Variants in TPCN2 observed in about 807,000 individuals in gnomAD.
The protein encoded by TPCN2 is two pore segment channel 2.
TPCN2 carries 92 observed loss-of-function variants against 111.4 expected under a neutral mutation model. The observed-to-expected ratio is 0.83, with a 90% confidence interval of 0.70 to 0.98. TPCN2 has a LOEUF of 0.98. TPCN2 is among the 50% of genes least tolerant of loss of function. The pLI is 0.00. For missense variants in TPCN2, 995 were observed against 980.1 expected, an observed-to-expected ratio of 1.02 and a Z score of -0.20; for synonymous variants, 405 against 414.5, an observed-to-expected ratio of 0.98 and a Z score of 0.28.
rs1325479815 is a variant in TPCN2, at chr11:69,087,095, C to T, written c.2086-17C>T. 6.2e-7 allele frequency: 1 copy of T among 1,610,730 alleles called. No individual in the cohort carries two copies. Among genetic ancestry groups the T allele is most frequent in the Non-Finnish European group, 8.5e-7 (1 of 1,177,510 alleles). The stretch of plus-strand genomic sequence containing the variant: ...ATTCGGGGCCCACACTCACTGGCCA[C>T]TCCTCCTGCTTGCCAGAACTTCCTT... On this transcript the variant is annotated splice_polypyrimidine_tract_variant and intron_variant, in intron 23 of 24. Transcript: ENST00000294309.
Position 69,087,909 on chromosome 11 carries a change from A to G in TPCN2, c.2215A>G (p.Thr739Ala). Reference protein sequence around the residue: ...ILEEPGEDELTERLSQHPHLW... With the variant: ...ILEEPGEDELAERLSQHPHLW... Reference sequence around the variant, plus strand: ...GGAGGAGCCCGGGGAGGATGAGCTCACAGAGAGGCTGAGCCAGCACCCGCA... The same window carrying G: ...GGAGGAGCCCGGGGAGGATGAGCTCGCAGAGAGGCTGAGCCAGCACCCGCA... The change falls in exon 25 of 25, where the codon ACA becomes GCA. Residue 739 changes from threonine to alanine, a missense_variant. Thr to Ala is a moderately conservative substitution (Grantham distance 58, BLOSUM62 0). Coordinates refer to ENST00000294309, the MANE Select transcript of TPCN2 (RefSeq NM_139075.4). 2 of 1,612,478 alleles carry G rather than the reference A, an allele frequency of 1.2e-6. No homozygotes were observed. Among genetic ancestry groups the G allele is most frequent in the South Asian group, 1.1e-5 (1 of 90,914 alleles).
rs376409865 is a variant in TPCN2, at chr11:69,055,166, C to G, written c.252-9C>G. 24 of 1,613,110 alleles carry G rather than the reference C, an allele frequency of 1.5e-5. No individual in the cohort carries two copies. The highest frequency in any genetic ancestry group is 2.0e-5 in the Non-Finnish European group (24 of 1,179,506). ...CTCCTGTGTTTTCATGTTTCTGTCC[C>G]CTTTCCAGGACTTTGAGCTTCACCA... is the stretch of plus-strand genomic sequence containing the variant. On this transcript the variant is annotated splice_polypyrimidine_tract_variant and intron_variant, in intron 3 of 24. Coordinates refer to ENST00000294309, the MANE Select transcript of TPCN2 (RefSeq NM_139075.4).
intron 19 of TPCN2, chr11:69,084,551 G>A: frequency 1.0e-6 from 1 of 984,558 alleles, no homozygotes; most frequent in Non-Finnish European, 1.2e-6. Context: ...CCGGGCTTGG[G>A]CAGGAGAGGG....
Position 69,081,327 on chromosome 11 carries a change from C to T in TPCN2, c.1590-73C>T. The T allele has an allele frequency of 8.8e-6, 9 of 1,026,920 alleles. No homozygotes were observed. The South Asian group carries it at 1.2e-4, about 13-fold the overall frequency. The allele number at this position is 1,026,920 out of a possible 1,614,324, so 63.6% of individuals were successfully genotyped here. ...CCTCCCTGCGCCTCCGTCCAGGAAC[C>T]CGCGCGTTTCCTTGTCTCCTCCCTG... is the stretch of plus-strand genomic sequence containing the variant. On this transcript the variant is annotated intron_variant, in intron 17 of 24. Transcript: ENST00000294309.
At chr11:69,087,273 A>AGAGCTGGGGGGTGGT in intron 24 of TPCN2, 67 bp downstream of exon 24, 1 of 1,365,562 alleles carries the variant, frequency 7.3e-7, no homozygotes, top group Non-Finnish European at 1.0e-6. Flanking sequence ...TGGGGGGTGG[A>AGAGCTGGGGGGTGGT]GGGGTTGAGG....
At chr11:69,075,779 C>A (rs1855726037) in intron 13 of TPCN2, among the ~76,000 whole-genome samples, 1 of 152,254 alleles carries the variant, frequency 6.6e-6, no homozygotes, top group Non-Finnish European at 1.5e-5. Context: ...GAGAAGGTGC[C>A]CTGCCTGCTG....
intron 17 of TPCN2, among the ~76,000 whole-genome samples, chr11:69,080,262 C>A (rs1487869290): frequency 6.6e-6 from 1 of 152,260 alleles, no homozygotes; most frequent in Non-Finnish European, 1.5e-5. Context: ...GGCCCCTCTG[C>A]TGGCGGGAAG....
At chr11:69,058,229 T>G (rs536092334) in intron 5 of TPCN2, among the ~76,000 whole-genome samples, 19 of 152,304 alleles carry the variant, frequency 1.2e-4, no homozygotes, top group African/African-American at 3.8e-4. Context: ...CAGAATCCAC[T>G]GGGGTCTGTC....
intron 7 of TPCN2, among the ~76,000 whole-genome samples, chr11:69,065,339 G>T (rs983950699): frequency 6.6e-6 from 1 of 152,214 alleles, no homozygotes; most frequent in Non-Finnish European, 1.5e-5. Flanking sequence ...CAACAGCCTC[G>T]GCCTTGAGGC....
At chr11:69,059,118 C>T (rs1330601175) in intron 5 of TPCN2, among the ~76,000 whole-genome samples, 1 of 152,222 alleles carries the variant, frequency 6.6e-6, no homozygotes, top group African/African-American at 2.4e-5. Context: ...TCACCTGGCA[C>T]AGGGACTGGA....
At chr11:69,070,911 T>C (rs375759432) in intron 9 of TPCN2, among the ~76,000 whole-genome samples, 3,828 of 20,160 alleles carry the variant, frequency 0.19, no homozygotes, top group African/African-American at 0.21. Context: ...CAGGGATCCC[T>C]CACCAACAGC....
intron 1 of TPCN2, among the ~76,000 whole-genome samples, chr11:69,049,684 C>T (rs1861128757): frequency 6.6e-6 from 1 of 152,106 alleles, no homozygotes; most frequent in Admixed American, 6.5e-5. Context: ...CTGGGGCGGG[C>T]CCCCTAGACG....
At chr11:69,087,371 G>A (rs1381124146) in intron 24 of TPCN2, among the ~76,000 whole-genome samples, 165 bp downstream of exon 24, 2 of 152,196 alleles carry the variant, frequency 1.3e-5, no homozygotes. Flanking sequence ...TCAGAGCCGG[G>A]ATCGGGGCGG....
intron 3 of TPCN2, 114 bp downstream of exon 3, chr11:69,054,911 T>C: frequency 5.6e-6 from 6 of 1,079,272 alleles, no homozygotes; most frequent in Non-Finnish European, 8.3e-6. Context: ...CCCCACTACA[T>C]AGATAGGGCG....
At chr11:69,084,760 A>C (rs935677456) in intron 19 of TPCN2, 2 of 985,302 alleles carry the variant, frequency 2.0e-6, no homozygotes, top group African/African-American at 1.7e-5. Flanking sequence ...CGCCTCTGGA[A>C]ATAGACGCTG....
intron 18 of TPCN2, among the ~76,000 whole-genome samples, chr11:69,082,926 C>T (rs1856101548): frequency 1.3e-5 from 2 of 150,904 alleles, no homozygotes; most frequent in African/African-American, 2.4e-5. Context: ...AACTCGTGCC[C>T]GTGTAAGATG....
At chr11:69,076,858 GCCCTCA>G (rs1855786992) in intron 13 of TPCN2, among the ~76,000 whole-genome samples, 1 of 128,370 alleles carries the variant, frequency 7.8e-6, no homozygotes, top group African/African-American at 3.4e-5. Context: ...TTGCCCTCCT[GCCCTCA>G]TGCCATGTCC....
chr11:69,081,492 G>C lies in TPCN2; in HGVS notation c.1682G>C (p.Ser561Thr). 1.3e-6 allele frequency: 2 copies of C among 1,564,646 alleles called. No individual in the cohort carries two copies. Among genetic ancestry groups the C allele is most frequent in the Middle Eastern group, 1.7e-4 (1 of 6,002 alleles). The change falls in exon 18 of 25, where the codon AGC (serine) becomes ACC (threonine). Residue 561 changes from serine (S) to threonine (T), a missense_variant. Ser to Thr is a moderately conservative substitution (Grantham distance 58, BLOSUM62 1). Transcript: ENST00000294309. ...IVFRFLRIIP[S>T]MKLMAVVAST... ...TTCCGCTTCCTGCGTATCATCCCCA[G>C]CATGAAGGTGTGTGCCGGCCCCACC...
In TPCN2 at chr11:69,072,355, A is replaced by G. The variant is rs544477552; in HGVS notation, c.1062-272A>G. ...GGTGCGTGGGCCAGGTGTCCACACCACCATCCTGCTTGGAAATGAGGGCAG... is the reference window on the plus strand; with the variant it reads ...GGTGCGTGGGCCAGGTGTCCACACCGCCATCCTGCTTGGAAATGAGGGCAG... On this transcript the variant is annotated intron_variant, in intron 11 of 24. Coordinates refer to ENST00000294309, the MANE Select transcript of TPCN2 (RefSeq NM_139075.4). Among the ~76,000 whole-genome samples the G allele has an allele frequency of 2.0e-5, 3 of 152,066 alleles. No homozygotes were observed. In the South Asian group the frequency reaches 6.2e-4, roughly 32 times the overall value.
Sources: allele counts gnomAD v4.1 joint callset (sites outside exome capture counted in the v4.1 genomes callset), GRCh38; gene constraint gnomAD v4.1.1; transcripts MANE v1.5; gene names NCBI Gene and HGNC (gene_info 2026-07-23, HGNC 2026-07-21).